Variants in LRTM3 observed in about 807,000 individuals in gnomAD.
LRTM3 encodes leucine rich repeat transmembrane protein 3.
the LRTM3 span, chr13:102,742,797 C>G: frequency 1.3e-6 from 2 of 1,550,528 alleles, no homozygotes; most frequent in Admixed American, 3.9e-5. Context: ...CCAACAGAAT[C>G]TGGGACAATT....
At chr13:102,731,398 T>C in the LRTM3 span, 1 of 1,551,510 alleles carries the variant, frequency 6.4e-7, no homozygotes. Context: ...TTGCCATCTC[T>C]GGTATCAGAT....
At chr13:102,739,388 G>C in the LRTM3 span, 2 of 1,550,378 alleles carry the variant, frequency 1.3e-6, no homozygotes, top group Middle Eastern at 1.7e-4. Context: ...TGACTCTGCA[G>C]ATGATACTCT....
the LRTM3 span, chr13:102,748,615 T>C: frequency 1.3e-6 from 2 of 1,550,838 alleles, no homozygotes; most frequent in African/African-American, 1.4e-5. Flanking sequence ...TAGGTTTTGA[T>C]ATAGCTTCTT....
the LRTM3 span, chr13:102,744,154 T>C: frequency 6.4e-7 from 1 of 1,550,724 alleles, no homozygotes; most frequent in Non-Finnish European, 8.7e-7. Context: ...GCTTTTTCTT[T>C]CTGTGGTTTT....
the LRTM3 span, chr13:102,731,124 C>CAGAAGTCACT: frequency 1.3e-6 from 2 of 1,551,362 alleles, no homozygotes; most frequent in Non-Finnish European, 1.7e-6. Flanking sequence ...GAAGTCACTG[C>CAGAAGTCACT]AGATGTTCCA....
At chr13:102,732,682 A>G in the LRTM3 span, 4 of 1,551,144 alleles carry the variant, frequency 2.6e-6, 1 homozygote, top group Admixed American at 7.8e-5. Flanking sequence ...GCGGGTGTGC[A>G]CTACTGCTTG....
chr13:102,742,149 T>G, the LRTM3 span: 2 of 1,550,534 alleles, frequency 1.3e-6, no homozygotes, highest in Non-Finnish European at 1.7e-6. Flanking sequence ...TAAACAGCCT[T>G]TAGAACTCGA....
chr13:102,741,452 G>T, the LRTM3 span: 1 of 1,549,920 alleles, frequency 6.5e-7, no homozygotes, highest in Non-Finnish European at 8.7e-7. Context: ...CTGTCCTTTA[G>T]AACCTACAAA....
chr13:102,738,433 G>A, the LRTM3 span: 53 of 1,550,580 alleles, frequency 3.4e-5, 1 homozygote, highest in East Asian at 4.6e-4. Context: ...GAATGGAAGC[G>A]CAGGCATTTG....
At chr13:102,738,805 T>C in the LRTM3 span, 1 of 1,550,316 alleles carries the variant, frequency 6.5e-7, no homozygotes, top group African/African-American at 1.4e-5. Context: ...TCTCAACTTC[T>C]TTATCTTCCT....
the LRTM3 span, chr13:102,748,962 GC>G: frequency 6.4e-7 from 1 of 1,550,410 alleles, no homozygotes; most frequent in Non-Finnish European, 8.7e-7. Context: ...GACTTATTTT[GC>G]TTCTGCAGAA....
At chr13:102,758,473 C>A in the LRTM3 span, 1 of 1,538,732 alleles carries the variant, frequency 6.5e-7, no homozygotes, top group South Asian at 1.2e-5. Flanking sequence ...ATAAAAAAGT[C>A]ACAGTATCAA....
At chr13:102,734,234 G>A in the LRTM3 span, 1 of 1,551,296 alleles carries the variant, frequency 6.4e-7, no homozygotes, top group East Asian at 2.4e-5. Context: ...TGACCTATGT[G>A]GTTTTCCTTT....
the LRTM3 span, chr13:102,737,842 T>G: frequency 6.4e-7 from 1 of 1,550,886 alleles, no homozygotes. Flanking sequence ...CTCCTTCTAT[T>G]CTTGTGTCCA....
chr13:102,758,694 A>G, the LRTM3 span: 1 of 1,533,222 alleles, frequency 6.5e-7, no homozygotes, highest in Admixed American at 2.0e-5. Flanking sequence ...TCAACCATTT[A>G]TTCTTACCTC....
chr13:102,740,349 T>A, the LRTM3 span: 12 of 1,550,252 alleles, frequency 7.7e-6, no homozygotes, highest in South Asian at 1.3e-4. Context: ...TTAGTTATAG[T>A]GCTTAGCTGA....
the LRTM3 span, chr13:102,743,140 A>G: frequency 6.4e-7 from 1 of 1,550,402 alleles, no homozygotes; most frequent in Non-Finnish European, 8.7e-7. Flanking sequence ...TTTCTGTAAG[A>G]TGTTCTTGCT....
the LRTM3 span, among the ~76,000 whole-genome samples, chr13:102,754,116 G>C: frequency 6.8e-6 from 1 of 147,468 alleles, no homozygotes; most frequent in South Asian, 2.3e-4. Flanking sequence ...TGAGGCAGGA[G>C]AGTTGTTGAA....
the LRTM3 span, among the ~76,000 whole-genome samples, chr13:102,755,600 G>C: frequency 6.6e-6 from 1 of 152,002 alleles, no homozygotes; most frequent in African/African-American, 2.4e-5. Flanking sequence ...GCTGAACAAT[G>C]AGAACACATG....
Sources: allele counts gnomAD v4.1 joint callset (sites outside exome capture counted in the v4.1 genomes callset), GRCh38; gene constraint gnomAD v4.1.1; transcripts MANE v1.5; gene names NCBI Gene and HGNC (gene_info 2026-07-23, HGNC 2026-07-21).